CDH23: variants seen among roughly 807,000 people sequenced by gnomAD.
The protein encoded by CDH23 is cadherin-23.
In CDH23, 189 loss-of-function variants were observed where a neutral mutation model predicts 317.1. That is an observed-to-expected ratio of 0.60 (90% CI 0.53 to 0.67). CDH23 has a LOEUF of 0.67. Among genes scored for constraint, CDH23 ranks in the 30% least tolerant of loss-of-function variants. CDH23 has a pLI of 0.00. For missense variants in CDH23, 4,401 were observed against 4,592.4 expected (o/e 0.96, Z 1.20); for synonymous variants, 1,839 against 1,876.8 (o/e 0.98, Z 0.52).
At chr10:71,761,410 C>T (rs1437133542) in intron 38 of CDH23, among the ~76,000 whole-genome samples, 1 of 152,160 alleles carries the variant, frequency 6.6e-6, no homozygotes, top group Non-Finnish European at 1.5e-5. Context: ...CCCTCTCCAT[C>T]ACTCCAGCTA....
intron 14 of CDH23, among the ~76,000 whole-genome samples, chr10:71,656,361 G>A (rs144587485): frequency 6.4e-4 from 98 of 152,246 alleles, no homozygotes; most frequent in African/African-American, 2.3e-3. Context: ...GGGAGCCCCT[G>A]TGTCTCCCTG....
At chr10:71,703,513 C>G (rs1865668644) in intron 24 of CDH23, among the ~76,000 whole-genome samples, 1 of 152,224 alleles carries the variant, frequency 6.6e-6, no homozygotes, top group Non-Finnish European at 1.5e-5. Flanking sequence ...ATGAAGCACC[C>G]TGGAACTTGG....
At chr10:71,617,047 T>C (rs1227998134) in intron 10 of CDH23, among the ~76,000 whole-genome samples, 158 bp from the exon 11 acceptor site, 1 of 152,170 alleles carries the variant, frequency 6.6e-6, no homozygotes, top group Non-Finnish European at 1.5e-5. Context: ...AAAATGGGGA[T>C]ACTAATGATA....
At chr10:71,661,053 G>A (rs528516692) in intron 14 of CDH23, among the ~76,000 whole-genome samples, 67 of 152,188 alleles carry the variant, frequency 4.4e-4, no homozygotes, top group Non-Finnish European at 7.6e-4. Flanking sequence ...CTCTGTGTCA[G>A]ACCACACTCC....
chr10:71,812,558 G>A lies in CDH23; in HGVS notation c.9459G>A (p.Pro3153=), dbSNP rs775390697. Reference sequence around the variant, plus strand: ...AGGCGGAGCATGAGGATGACCTACCGGAGAACCTGAGTGAGATCGCCGACC... The same window carrying A: ...AGGCGGAGCATGAGGATGACCTACCAGAGAACCTGAGTGAGATCGCCGACC... The part of the protein sequence containing the change: ...AAQAEHEDDL[P]ENLSEIADLW... The change falls in exon 67 of 70, where the codon CCG becomes CCA. Residue 3153 remains proline (P), a synonymous_variant. Coordinates refer to ENST00000224721, the MANE Select transcript of CDH23 (RefSeq NM_022124.6). 4.1e-5 allele frequency: 66 copies of A among 1,600,876 alleles called. No homozygotes were observed. The highest frequency in any genetic ancestry group is 2.8e-4 in the South Asian group (25 of 90,832).
Position 71,777,861 on chromosome 10 carries a change from C to A in CDH23, c.5027C>A (p.Ala1676Glu). 1 of 1,613,964 alleles carries A rather than the reference C, an allele frequency of 6.2e-7. No homozygotes were observed. The highest frequency in any genetic ancestry group is 8.5e-7 in the Non-Finnish European group (1 of 1,179,898). Residue 1676 changes from alanine to glutamate, a missense_variant, in exon 39 of 70, where the codon GCA becomes GAA. Around this residue, in one of 3 missense-constraint regions of CDH23, gnomAD observed 3,068 missense variants for 3,203.3 expected, o/e 0.96. Coordinates refer to ENST00000224721, the MANE Select transcript of CDH23 (RefSeq NM_022124.6). ...GGCACAGTCACCTATGCCATCGTCG[C>A]AGGCAACATCGTCAACACCTTCCGC... ...PNGTVTYAIV[A>E]GNIVNTFRID...
intron 9 of CDH23, among the ~76,000 whole-genome samples, chr10:71,612,643 G>A (rs1860970253): frequency 6.6e-6 from 1 of 152,166 alleles, no homozygotes; most frequent in Non-Finnish European, 1.5e-5. Flanking sequence ...TGTCTGTGGG[G>A]GGGCTGGGGA....
chr10:71,572,092 C>T (rs536998050), intron 8 of CDH23, among the ~76,000 whole-genome samples: 2 of 152,314 alleles, frequency 1.3e-5, no homozygotes, highest in East Asian at 3.9e-4. Context: ...GAAGCAGGAT[C>T]CTTTCCGGCC....
At chr10:71,406,923 A>G (rs938176293) in intron 1 of CDH23, among the ~76,000 whole-genome samples, 2 of 152,180 alleles carry the variant, frequency 1.3e-5, no homozygotes, top group African/African-American at 2.4e-5. Flanking sequence ...GACAGTAGTA[A>G]TGAGAAACAT....
intron 1 of CDH23, among the ~76,000 whole-genome samples, chr10:71,422,209 G>A (rs1391689894): frequency 2.0e-5 from 3 of 152,194 alleles, no homozygotes; most frequent in African/African-American, 7.2e-5. Flanking sequence ...ACTGGATTGG[G>A]TGTCAAGGAA....
At chr10:71,600,541 G>A (rs1429351258) in intron 9 of CDH23, among the ~76,000 whole-genome samples, 45 of 137,522 alleles carry the variant, frequency 3.3e-4, no homozygotes, top group African/African-American at 1.0e-3. Flanking sequence ...TTTTTGAGAC[G>A]GAGTGTCACT....
chr10:71,517,561 G>GT (rs879837913), intron 6 of CDH23, among the ~76,000 whole-genome samples: 5 of 152,198 alleles, frequency 3.3e-5, no homozygotes, highest in Admixed American at 3.3e-4. Flanking sequence ...GAGAAGCTGG[G>GT]GGGGAGATGC....
chr10:71,690,375 G>A, intron 19 of CDH23, 93 bp from the exon 20 acceptor site: 1 of 878,510 alleles, frequency 1.1e-6, no homozygotes, highest in East Asian at 2.8e-5. Context: ...CCTCCTCTTG[G>A]GCCAGCGCAA....
intron 3 of CDH23, among the ~76,000 whole-genome samples, chr10:71,484,641 AC>A (rs1355773557): frequency 5.9e-5 from 9 of 152,172 alleles, no homozygotes; most frequent in African/African-American, 2.2e-4. Flanking sequence ...CCTTTGGACC[AC>A]CCACTGTGTC....
intron 19 of CDH23, among the ~76,000 whole-genome samples, chr10:71,688,306 C>T (rs12412801): frequency 0.029 from 4,419 of 152,334 alleles, 280 homozygotes; most frequent in East Asian, 0.26. Context: ...GCAAAGAAAA[C>T]GCCCATATCA....
rs141971030 is a variant in CDH23, at chr10:71,498,115, G to A, written c.146-11967G>A. 1.4e-3 allele frequency among the ~76,000 whole-genome samples: 220 copies of A among 152,334 alleles called. 1 individual carries two copies. Among genetic ancestry groups the A allele is most frequent in the Admixed American group, 5.0e-3 (77 of 15,306 alleles). ...GGCCATTGATGCCAGCCCCTTCGTA[G>A]TGTCAGTGGGGAAGGAGAAGCTCAG... is the stretch of plus-strand genomic sequence containing the variant. On this transcript the variant is annotated intron_variant, in intron 3 of 69. Transcript: ENST00000224721.
rs1347942708 is a variant in CDH23 at position 71,558,438 on chromosome 10, ACTCTT to A, written c.430-8298_430-8294del. On this transcript the variant is annotated intron_variant, in intron 6 of 69. Transcript: ENST00000224721. ...TTTGGGGAAATTTCTTTATCTTCCA[ACTCTT>A]CTCTTAAGTTTTTAAATTTCTACTG... Among the ~76,000 whole-genome samples, 11 of 151,322 alleles carry A rather than the reference ACTCTT, an allele frequency of 7.3e-5. No individual in the cohort carries two copies. The East Asian group carries it at 2.1e-3, about 29-fold the overall frequency.
chr10:71,749,811 C>T (rs1839948659), intron 38 of CDH23: 1 of 152,428 alleles, frequency 6.6e-6, no homozygotes, highest in Non-Finnish European at 1.5e-5. Flanking sequence ...TTTTCCATCC[C>T]CCCAACCCCC....
intron 9 of CDH23, among the ~76,000 whole-genome samples, chr10:71,584,177 C>A (rs1379538090): frequency 6.6e-6 from 1 of 152,112 alleles, no homozygotes; most frequent in Non-Finnish European, 1.5e-5. Context: ...ATGTTTAAAG[C>A]AGATTTACAT....
Sources: allele counts gnomAD v4.1 joint callset (sites outside exome capture counted in the v4.1 genomes callset), GRCh38; gene constraint gnomAD v4.1.1; regional missense constraint gnomAD v4.1.1; transcripts MANE v1.5; gene names NCBI Gene and HGNC (gene_info 2026-07-23, HGNC 2026-07-21).